Variants in CCDC158 observed in about 807,000 individuals in gnomAD.
The protein encoded by CCDC158 is coiled-coil domain-containing protein 158.
A neutral mutation model predicts 138.6 loss-of-function variants in CCDC158; 116 were observed. That is an observed-to-expected ratio of 0.84 (90% CI 0.72 to 0.98). The LOEUF is 0.98. CCDC158 is among the 50% of genes least tolerant of loss of function. CCDC158 has a pLI of 0.00. For missense variants in CCDC158, 1,265 were observed against 1,306.1 expected (o/e 0.97, Z 0.48); for synonymous variants, 436 against 442.4 (o/e 0.99, Z 0.18).
intron 10 of CCDC158, among the ~76,000 whole-genome samples, chr4:76,370,385 G>C (rs1010397263): frequency 2.0e-5 from 3 of 152,152 alleles, no homozygotes; most frequent in African/African-American, 7.2e-5. Context: ...TGGTGCACTG[G>C]GTCCGGGTAG....
chr4:76,340,387 C>G lies in CCDC158; in HGVS notation c.2665-6220G>C, dbSNP rs180975230. 7.2e-5 allele frequency among the ~76,000 whole-genome samples: 11 copies of G among 152,328 alleles called. No individual in the cohort carries two copies. In the East Asian group the frequency reaches 2.1e-3, roughly 29 times the overall value. Reference sequence around the variant, plus strand: ...ATCCGTCACCCATTTGTGAATAAACCAGGTGCACTGGCTTTGTCCATGCTA... The same window carrying G: ...ATCCGTCACCCATTTGTGAATAAACGAGGTGCACTGGCTTTGTCCATGCTA... On this transcript the variant is annotated intron_variant, in intron 18 of 24. Coordinates refer to ENST00000682701, the MANE Select transcript of CCDC158 (RefSeq NM_001394954.1).
chr4:76,386,939 C>T (rs1348023380), intron 4 of CCDC158, among the ~76,000 whole-genome samples: 1 of 152,218 alleles, frequency 6.6e-6, no homozygotes, highest in African/African-American at 2.4e-5. Flanking sequence ...CAGCAAGCCT[C>T]ACCACCACAT....
chr4:76,396,109 C>A (rs1014336653), intron 4 of CCDC158, among the ~76,000 whole-genome samples, 160 bp downstream of exon 4: 1 of 152,000 alleles, frequency 6.6e-6, no homozygotes, highest in Non-Finnish European at 1.5e-5. Context: ...AATTTTAATA[C>A]CGAAAATAGA....
chr4:76,419,247 T>C (rs1430919879), intron 1 of CCDC158, among the ~76,000 whole-genome samples: 1 of 152,210 alleles, frequency 6.6e-6, no homozygotes, highest in African/African-American at 2.4e-5. Context: ...TTCAAATCCT[T>C]TCTTTAGGAT....
intron 24 of CCDC158, among the ~76,000 whole-genome samples, chr4:76,315,849 G>T (rs770292615): frequency 2.0e-5 from 3 of 152,166 alleles, no homozygotes; most frequent in Non-Finnish European, 4.4e-5. Flanking sequence ...CTACTGAGTG[G>T]CTAGATGTGC....
chr4:76,375,803 T>G lies in CCDC158; in HGVS notation c.1029+3487A>C, dbSNP rs543683329. On this transcript the variant is annotated intron_variant, in intron 9 of 24. Coordinates refer to ENST00000682701, the MANE Select transcript of CCDC158 (RefSeq NM_001394954.1). ...ACATTTTTTTGAAGTACAATTTCTA[T>G]GTTCACCAGCATAAAATAACTGTGT... is the stretch of plus-strand genomic sequence containing the variant. The G allele has an allele frequency of 4.3e-5, 24 of 554,124 alleles. No homozygotes were observed. In the South Asian group the frequency reaches 6.1e-4, roughly 14 times the overall value. The allele number at this position is 554,124 out of a possible 1,614,324, so 34.3% of individuals were successfully genotyped here.
At chr4:76,324,450 G>GTC (rs1720338113) in intron 23 of CCDC158, among the ~76,000 whole-genome samples, 1 of 152,112 alleles carries the variant, frequency 6.6e-6, no homozygotes, top group African/African-American at 2.4e-5. Flanking sequence ...GCCTTCCCAA[G>GTC]TGTTGGGATT....
At chr4:76,408,671 G>GC (rs1361256134) in intron 2 of CCDC158, among the ~76,000 whole-genome samples, 3 of 151,978 alleles carry the variant, frequency 2.0e-5, no homozygotes, top group Admixed American at 6.5e-5. Flanking sequence ...CTTTATAGCC[G>GC]CATGATTTAT....
chr4:76,407,371 T>C (rs1280014338), intron 2 of CCDC158: 1 of 152,056 alleles, frequency 6.6e-6, no homozygotes, highest in East Asian at 1.9e-4. Flanking sequence ...ACAAATAGAA[T>C]GTTAGTCAAG....
At chr4:76,322,088 C>A (rs1238028470) in intron 24 of CCDC158, among the ~76,000 whole-genome samples, 1 of 151,764 alleles carries the variant, frequency 6.6e-6, no homozygotes. Flanking sequence ...GAAATCACCA[C>A]TAAAGAACTT....
At chr4:76,332,677 GA>G in intron 19 of CCDC158, among the ~76,000 whole-genome samples, 186 bp from the exon 20 acceptor site, 1 of 152,142 alleles carries the variant, frequency 6.6e-6, no homozygotes, top group East Asian at 1.9e-4. Flanking sequence ...TTCCTCCCAT[GA>G]ATTCTTAAAA....
chr4:76,417,006 G>A (rs1332905162), intron 1 of CCDC158, among the ~76,000 whole-genome samples: 1 of 152,168 alleles, frequency 6.6e-6, no homozygotes, highest in African/African-American at 2.4e-5. Flanking sequence ...CTGAAAAGCT[G>A]CAGACACTCA....
At chr4:76,408,343 C>T (rs908188770) in intron 2 of CCDC158, among the ~76,000 whole-genome samples, 1 of 152,072 alleles carries the variant, frequency 6.6e-6, no homozygotes, top group Non-Finnish European at 1.5e-5. Context: ...CCGCTCCCCC[C>T]ACCCCACAAC....
At chr4:76,421,291 C>T (rs1730108733), upstream of CCDC158, among the ~76,000 whole-genome samples, 1 of 152,058 alleles carries the variant, frequency 6.6e-6, no homozygotes, top group African/African-American at 2.4e-5. Flanking sequence ...GCGGGGACCC[C>T]TCCCGCGCCT....
chr4:76,411,044 C>T (rs1469346835), intron 2 of CCDC158, among the ~76,000 whole-genome samples: 2 of 152,198 alleles, frequency 1.3e-5, no homozygotes, highest in African/African-American at 4.8e-5. Context: ...CTGCGGCCTT[C>T]CTACATAGTA....
At position 76,326,012 on chromosome 4, in the gene CCDC158, C is replaced by T; in HGVS notation, c.3014G>A (p.Ser1005Asn). 1 of 1,610,330 alleles carries T rather than the reference C, an allele frequency of 6.2e-7. No individual in the cohort carries two copies. The highest frequency in any genetic ancestry group is 1.3e-5 in the African/African-American group (1 of 74,828). The change falls in exon 23 of 25, where the codon AGT becomes AAT. Residue 1005 changes from serine to asparagine, a missense_variant. Ser to Asn is a conservative substitution (Grantham distance 46). Coordinates refer to ENST00000682701, the MANE Select transcript of CCDC158 (RefSeq NM_001394954.1). The stretch of plus-strand genomic sequence containing the variant: ...AGAAGCTGAGTTTTTCACAGATGGA[C>T]TTGCTAAAAGTTTGCAAGAATAAAA... ...SGCFTFTSAASPSVKNSASRS... is the reference protein window; with the variant it reads ...SGCFTFTSAANPSVKNSASRS...
chr4:76,361,454 T>C (rs1348096745), intron 13 of CCDC158, among the ~76,000 whole-genome samples: 1 of 151,952 alleles, frequency 6.6e-6, no homozygotes, highest in Non-Finnish European at 1.5e-5. Context: ...CCCAGCTACT[T>C]GGGAGGCTGA....
At chr4:76,387,679 C>T (rs879859956) in intron 4 of CCDC158, among the ~76,000 whole-genome samples, 10 of 151,860 alleles carry the variant, frequency 6.6e-5, no homozygotes, top group Non-Finnish European at 8.8e-5. Context: ...AAAAATTAGC[C>T]GGGCGTGGTG....
chr4:76,407,644 A>G (rs1728938973), intron 2 of CCDC158, among the ~76,000 whole-genome samples: 1 of 152,202 alleles, frequency 6.6e-6, no homozygotes, highest in South Asian at 2.1e-4. Context: ...GAGTAATGTT[A>G]TCATGAATTA....
Sources: gnomAD v4.1 joint callset for allele counts (sites outside exome capture counted in the v4.1 genomes callset) on GRCh38, gnomAD v4.1.1 for gene constraint, MANE v1.5 for transcripts, NCBI Gene and HGNC (gene_info 2026-07-23, HGNC 2026-07-21) for gene names.